The following SLC8A3 variants were observed in gnomAD, a reference collection of about 807,000 sequenced individuals.
The protein encoded by SLC8A3 is sodium/calcium exchanger 3.
In SLC8A3, 37 loss-of-function variants were observed where a neutral mutation model predicts 65.4. The observed-to-expected ratio is 0.57, with a 90% CI of 0.44 to 0.74. The LOEUF (loss-of-function observed/expected upper bound fraction) is 0.74, where lower values mean the gene tolerates loss of function less well. Among genes scored for constraint, SLC8A3 ranks in the 30% least tolerant of loss-of-function variants. SLC8A3 has a pLI of 0.00. For missense variants in SLC8A3, 1,112 were observed against 1,172.1 expected, an observed-to-expected ratio of 0.95 and a Z score of 0.75; for synonymous variants, 461 against 444.5, an observed-to-expected ratio of 1.04 and a Z score of -0.47.
At chr14:70,125,064 T>C (rs1394512403) in intron 2 of SLC8A3, among the ~76,000 whole-genome samples, 2 of 152,240 alleles carry the variant, frequency 1.3e-5, no homozygotes, top group Admixed American at 1.3e-4. Flanking sequence ...ACTCAATAAA[T>C]ATTTTTAAAT....
intron 2 of SLC8A3, among the ~76,000 whole-genome samples, chr14:70,131,925 C>T (rs565104601): frequency 1.6e-4 from 25 of 152,226 alleles, no homozygotes; most frequent in African/African-American, 5.1e-4. Flanking sequence ...CTGTCTTTAA[C>T]TGGGAGGAGG....
intron 1 of SLC8A3, among the ~76,000 whole-genome samples, chr14:70,187,599 CTGTGTGTGTGTGTGT>C (rs1883390639): frequency 2.5e-5 from 3 of 118,206 alleles, no homozygotes; most frequent in South Asian, 6.7e-4. Context: ...AGGGCTTTGA[CTGTGTGTGTGTGTGT>C]GTGTGTGTGT....
At chr14:70,048,664 A>T in intron 6 of SLC8A3, 103 bp downstream of exon 6, 1 of 1,006,474 alleles carries the variant, frequency 9.9e-7, no homozygotes, top group Non-Finnish European at 1.5e-6. Flanking sequence ...AGGCTCTGTT[A>T]AGTTCAGATC....
intron 2 of SLC8A3, among the ~76,000 whole-genome samples, chr14:70,147,611 T>A (rs905522191): frequency 1.6e-4 from 24 of 152,296 alleles, no homozygotes; most frequent in African/African-American, 5.1e-4. Flanking sequence ...GGACCTGACC[T>A]AATCAGGTGA....
At chr14:70,059,921 C>T (rs967964474) in intron 3 of SLC8A3, among the ~76,000 whole-genome samples, 6 of 152,164 alleles carry the variant, frequency 3.9e-5, no homozygotes, top group Admixed American at 3.9e-4. Flanking sequence ...TATTTCCTTC[C>T]CTTCAGGAAC....
At chr14:70,162,224 A>C (rs1896936230) in intron 2 of SLC8A3, among the ~76,000 whole-genome samples, 1 of 152,228 alleles carries the variant, frequency 6.6e-6, no homozygotes, top group South Asian at 2.1e-4. Flanking sequence ...GGATAAAAGT[A>C]AAATGGAGAA....
At chr14:70,159,621 T>C (rs1896768811) in intron 2 of SLC8A3, among the ~76,000 whole-genome samples, 1 of 152,130 alleles carries the variant, frequency 6.6e-6, no homozygotes, top group Non-Finnish European at 1.5e-5. Context: ...TCCTCCTCAT[T>C]TACCTGCCTT....
chr14:70,116,757 G>A (rs1261647073), intron 2 of SLC8A3, among the ~76,000 whole-genome samples: 5 of 152,144 alleles, frequency 3.3e-5, no homozygotes, highest in Admixed American at 1.3e-4. Flanking sequence ...TTGCACAGAA[G>A]GTTTAAAGGG....
chr14:70,187,733 G>T (rs530391613), intron 1 of SLC8A3, among the ~76,000 whole-genome samples: 6 of 152,046 alleles, frequency 3.9e-5, no homozygotes, highest in African/African-American at 1.4e-4. Context: ...ACCACCAGGG[G>T]CTGGAGAGTG....
chr14:70,087,717 G>T (rs906749689), intron 2 of SLC8A3, among the ~76,000 whole-genome samples: 3 of 152,158 alleles, frequency 2.0e-5, no homozygotes, highest in African/African-American at 7.2e-5. Context: ...AACAAATTCA[G>T]CTCCATCTCT....
chr14:70,145,063 C>T (rs553289934), intron 2 of SLC8A3, among the ~76,000 whole-genome samples: 1 of 152,310 alleles, frequency 6.6e-6, no homozygotes, highest in South Asian at 2.1e-4. Context: ...CCCTTTCAGC[C>T]TAGTGCCCTG....
chr14:70,132,960 T>G (rs1894946236), intron 2 of SLC8A3, among the ~76,000 whole-genome samples: 1 of 152,186 alleles, frequency 6.6e-6, no homozygotes, highest in Admixed American at 6.5e-5. Flanking sequence ...TGCTTATCAC[T>G]AACTGTTGTC....
chr14:70,054,325 C>T (rs1022169201), intron 3 of SLC8A3, among the ~76,000 whole-genome samples: 3 of 152,096 alleles, frequency 2.0e-5, no homozygotes, highest in African/African-American at 7.2e-5. Context: ...AAATTAAAAC[C>T]AGTATTTGAG....
intron 2 of SLC8A3, among the ~76,000 whole-genome samples, chr14:70,082,545 C>G (rs913974105): frequency 6.6e-5 from 10 of 152,222 alleles, no homozygotes; most frequent in Non-Finnish European, 7.3e-5. Flanking sequence ...CCTGAAGAAA[C>G]TGTCCCCATG....
intron 2 of SLC8A3, among the ~76,000 whole-genome samples, chr14:70,069,088 CA>C (rs1462886101): frequency 1.3e-5 from 2 of 152,206 alleles, no homozygotes; most frequent in African/African-American, 4.8e-5. Context: ...TGCTCAGTCG[CA>C]CAGCTATTAA....
intron 2 of SLC8A3, among the ~76,000 whole-genome samples, chr14:70,159,426 A>AAAC (rs1896756830): frequency 1.4e-5 from 2 of 147,950 alleles, no homozygotes; most frequent in Non-Finnish European, 3.0e-5. Context: ...AAAAAAAAAC[A>AAAC]AAAAAAACCC....
At chr14:70,137,784 G>GT (rs762776099) in intron 2 of SLC8A3, among the ~76,000 whole-genome samples, 5,605 of 55,444 alleles carry the variant, frequency 0.1, 181 homozygotes, top group Admixed American at 0.19. Flanking sequence ...AGCTGGTGGT[G>GT]CCTTTTTTTT....
At chr14:70,186,814 TG>T (rs1883266262) in intron 1 of SLC8A3, among the ~76,000 whole-genome samples, 1 of 152,120 alleles carries the variant, frequency 6.6e-6, no homozygotes, top group South Asian at 2.1e-4. Context: ...ATCCAGCCAG[TG>T]ACGCCAGCAA....
intron 1 of SLC8A3, among the ~76,000 whole-genome samples, chr14:70,174,698 A>G (rs1255537843): frequency 1.1e-5 from 1 of 89,738 alleles, no homozygotes; most frequent in Non-Finnish European, 2.1e-5. Flanking sequence ...TTTGCCTATT[A>G]AGGCCAAACA....
Sources: gnomAD v4.1 joint callset for allele counts (sites outside exome capture counted in the v4.1 genomes callset) on GRCh38, gnomAD v4.1.1 for gene constraint, MANE v1.5 for transcripts, NCBI Gene and HGNC (gene_info 2026-07-23, HGNC 2026-07-21) for gene names.